CMTM8: variants seen among roughly 807,000 people sequenced by gnomAD.
CMTM8 encodes CKLF-like MARVEL transmembrane domain-containing protein 8.
In CMTM8, 12 loss-of-function variants were observed where a neutral mutation model predicts 18.6. The observed-to-expected ratio is 0.65, with a 90% CI of 0.41 to 1.05. CMTM8 has a LOEUF of 1.05. CMTM8 is among the 50% of genes least tolerant of loss of function. CMTM8 has a pLI of 0.00. For synonymous variants in CMTM8, 87 were observed against 90.6 expected (o/e 0.96, Z 0.23); for missense variants, 217 against 227.2 (o/e 0.95, Z 0.29).
Position 32,239,090 on chromosome 3 carries a change from C to T in CMTM8, c.118C>T (p.Leu40=). 1 of 1,601,408 alleles carries T rather than the reference C, an allele frequency of 6.2e-7. No individual in the cohort carries two copies. Among genetic ancestry groups the T allele is most frequent in the East Asian group, 2.3e-5 (1 of 44,008 alleles). Residue 40 remains leucine, a synonymous_variant, in exon 1 of 4, where the codon CTG becomes TTG. Coordinates refer to ENST00000307526, the MANE Select transcript of CMTM8 (RefSeq NM_178868.5). ...FAYDREFLRT[L]PGFLIVAEIV... ...CTACGACCGGGAGTTCCTCCGCACC[C>T]TGCCCGGCTTCCTCATCGTGGCCGA...
intron 1 of CMTM8, among the ~76,000 whole-genome samples, chr3:32,349,829 G>A (rs528788508): frequency 6.6e-6 from 1 of 152,188 alleles, no homozygotes; most frequent in East Asian, 1.9e-4. Context: ...CCAACATGGT[G>A]AAACCCCATC....
intron 1 of CMTM8, among the ~76,000 whole-genome samples, chr3:32,247,393 A>G (rs1702052797): frequency 6.6e-6 from 1 of 152,074 alleles, no homozygotes; most frequent in Non-Finnish European, 1.5e-5. Flanking sequence ...GCTCACTGCA[A>G]CTTCCGCCTC....
At chr3:32,282,086 G>T (rs1197973579) in intron 1 of CMTM8, among the ~76,000 whole-genome samples, 1 of 152,078 alleles carries the variant, frequency 6.6e-6, no homozygotes, top group Admixed American at 6.6e-5. Flanking sequence ...CTGGATCCCA[G>T]ATTTGTATCT....
At chr3:32,269,553 G>C (rs946396202) in intron 1 of CMTM8, among the ~76,000 whole-genome samples, 6 of 152,208 alleles carry the variant, frequency 3.9e-5, no homozygotes, top group Admixed American at 1.3e-4. Context: ...TTACTACCAG[G>C]CTAGTTTAGC....
At chr3:32,289,971 A>G (rs931008187) in intron 1 of CMTM8, among the ~76,000 whole-genome samples, 2 of 152,082 alleles carry the variant, frequency 1.3e-5, no homozygotes, top group African/African-American at 4.8e-5. Flanking sequence ...TCTCTACAAA[A>G]TATACAAAAA....
At chr3:32,295,083 A>G (rs1171434695) in intron 1 of CMTM8, among the ~76,000 whole-genome samples, 1 of 151,996 alleles carries the variant, frequency 6.6e-6, no homozygotes, top group Non-Finnish European at 1.5e-5. Context: ...AAACAAAACA[A>G]CAAACTTTAT....
Position 32,357,417 on chromosome 3 carries a change from C to T in CMTM8, c.192C>T (p.Tyr64=), listed in dbSNP as rs1024912963. The change falls in exon 2 of 4, where the codon TAC becomes TAT. Residue 64 remains tyrosine, a synonymous_variant. Coordinates refer to ENST00000307526, the MANE Select transcript of CMTM8 (RefSeq NM_178868.5). ...GGACGCTTATTGCTGGAACTGAGTA[C>T]TTCCGGGTCCCCGCATTTGGCTGGG... The part of the protein sequence containing the change: ...LVWTLIAGTE[Y]FRVPAFGWVM... The T allele has an allele frequency of 6.2e-7, 1 of 1,614,034 alleles. No homozygotes were observed. Among genetic ancestry groups the T allele is most frequent in the Non-Finnish European group, 8.5e-7 (1 of 1,180,022 alleles).
In CMTM8 at chr3:32,308,056, A is replaced by T. The variant is rs150321604; in HGVS notation, c.148-49317A>T. ...AATTCAAAAGGAGAAGAGAGCAGAA[A>T]ATAGAAGACACCACAGGGTGTTGAG... On this transcript the variant is annotated intron_variant, in intron 1 of 3. Transcript: ENST00000307526. Among the ~76,000 whole-genome samples the T allele has an allele frequency of 2.0e-5, 3 of 152,364 alleles. No homozygotes were observed. The East Asian group carries it at 5.8e-4, about 29-fold the overall frequency.
intron 1 of CMTM8, among the ~76,000 whole-genome samples, chr3:32,266,809 AACAG>A (rs1474153203): frequency 2.6e-5 from 4 of 152,232 alleles, no homozygotes; most frequent in Non-Finnish European, 5.9e-5. Flanking sequence ...ATACACCAAT[AACAG>A]ACAAACAGCC....
At chr3:32,362,380 A>G (rs531237919) in intron 2 of CMTM8, among the ~76,000 whole-genome samples, 2 of 152,286 alleles carry the variant, frequency 1.3e-5, no homozygotes. Flanking sequence ...TATGTGCTAG[A>G]TGTCACACTG....
intron 1 of CMTM8, among the ~76,000 whole-genome samples, chr3:32,254,897 T>C (rs542334740): frequency 5.6e-4 from 85 of 152,296 alleles, no homozygotes; most frequent in Admixed American, 2.7e-3. Flanking sequence ...CTAACATATA[T>C]TCTCCATTTC....
At chr3:32,276,562 G>A (rs1440912246) in intron 1 of CMTM8, among the ~76,000 whole-genome samples, 1 of 152,176 alleles carries the variant, frequency 6.6e-6, no homozygotes, top group East Asian at 1.9e-4. Flanking sequence ...TCTGAATCCA[G>A]AGGAGAAAGC....
chr3:32,350,601 A>G (rs1358615696), intron 1 of CMTM8, among the ~76,000 whole-genome samples: 4 of 151,830 alleles, frequency 2.6e-5, no homozygotes, highest in African/African-American at 9.7e-5. Flanking sequence ...GCTCACTACA[A>G]TCTCTGCCTC....
rs574870007 is a variant in CMTM8 at position 32,301,490 on chromosome 3, A to T, written c.148-55883A>T. Among the ~76,000 whole-genome samples, 10 of 152,276 alleles carry T rather than the reference A, an allele frequency of 6.6e-5. No homozygotes were observed. The South Asian group carries it at 1.9e-3, about 28-fold the overall frequency. Reference sequence around the variant, plus strand: ...AATCATTCAATATATGGGCAAAAGGATTCCACCTTATCTTTCCCTCCTGCC... The same window carrying T: ...AATCATTCAATATATGGGCAAAAGGTTTCCACCTTATCTTTCCCTCCTGCC... On this transcript the variant is annotated intron_variant, in intron 1 of 3. Coordinates refer to ENST00000307526, the MANE Select transcript of CMTM8 (RefSeq NM_178868.5).
At chr3:32,325,980 G>A (rs1696143323) in intron 1 of CMTM8, among the ~76,000 whole-genome samples, 1 of 152,208 alleles carries the variant, frequency 6.6e-6, no homozygotes, top group Non-Finnish European at 1.5e-5. Flanking sequence ...ATTTATTAAT[G>A]AGACTTGTGA....
In CMTM8 at chr3:32,362,046, C is replaced by CTTTTT. The variant is rs60064096; in HGVS notation, c.321+4507_321+4511dup. 2.2e-5 allele frequency among the ~76,000 whole-genome samples: 2 copies of CTTTTT among 92,066 alleles called. 1 individual carries two copies. Among genetic ancestry groups the CTTTTT allele is most frequent in the Non-Finnish European group, 4.1e-5 (2 of 48,378 alleles). 60.4% of individuals were successfully genotyped at this position (92,066 alleles called of 152,430 possible). A position where few individuals can be genotyped will look rare whatever the true frequency, so the allele number is the denominator to read the frequency against. On this transcript the variant is annotated intron_variant, in intron 2 of 3. Transcript: ENST00000307526. ...GTTAAAGCAGCTACTATTTTCTTTTCTTTTTTTTTTTGGAGATGGAGTCTT... is the reference window on the plus strand; with the variant it reads ...GTTAAAGCAGCTACTATTTTCTTTTCTTTTTTTTTTTTTTTTGGAGATGGAGTCTT...
chr3:32,351,420 T>C (rs1017832386), intron 1 of CMTM8, among the ~76,000 whole-genome samples: 4 of 152,074 alleles, frequency 2.6e-5, no homozygotes, highest in Non-Finnish European at 4.4e-5. Context: ...GAAAACCAAT[T>C]ATGTCGGCCA....
At chr3:32,359,589 C>G (rs529942175) in intron 2 of CMTM8, among the ~76,000 whole-genome samples, 30 of 151,920 alleles carry the variant, frequency 2.0e-4, no homozygotes, top group Admixed American at 1.2e-3. Context: ...GACTCTGTCT[C>G]AAAACAAAAC....
In CMTM8 at chr3:32,292,613, AAAGGATAC is replaced by A. The variant is rs202167428; in HGVS notation, c.147+53495_147+53502del. On this transcript the variant is annotated intron_variant, in intron 1 of 3. Coordinates refer to ENST00000307526, the MANE Select transcript of CMTM8 (RefSeq NM_178868.5). ...CTTATTTCTCTTTCTTTGGATAAAC[AAAGGATAC>A]TGTTTATCCTTTAGGCCCGGATTTC... is the stretch of plus-strand genomic sequence containing the variant. Among the ~76,000 whole-genome samples, 27 of 152,228 alleles carry A rather than the reference AAAGGATAC, an allele frequency of 1.8e-4. No individual in the cohort carries two copies. The East Asian group carries it at 5.0e-3, about 28-fold the overall frequency.
Sources: gnomAD v4.1 joint callset for allele counts (sites outside exome capture counted in the v4.1 genomes callset) on GRCh38, gnomAD v4.1.1 for gene constraint, MANE v1.5 for transcripts, NCBI Gene and HGNC (gene_info 2026-07-23, HGNC 2026-07-21) for gene names.